Variants in SMARCB1 observed in about 807,000 individuals in gnomAD.
The protein encoded by SMARCB1 is SWI/SNF related BAF chromatin remodeling complex subunit B1.
A neutral mutation model predicts 49.0 loss-of-function variants in SMARCB1; 5 were observed. The observed-to-expected ratio is 0.10, with a 90% CI of 0.05 to 0.21. The LOEUF (loss-of-function observed/expected upper bound fraction) is 0.21, where lower values mean the gene tolerates loss of function less well. Ranked by LOEUF, SMARCB1 falls within the 10% of genes least tolerant of loss-of-function variation. The probability of loss-of-function intolerance (pLI) is 1.00; values close to 1 mark genes in which losing one functional copy is unlikely to be tolerated. For synonymous variants in SMARCB1, 201 were observed against 200.1 expected (o/e 1.00, Z -0.04); for missense variants, 226 against 509.2 (o/e 0.44, Z 5.35).
At chr22:23,811,058 G>T (rs1034660219) in intron 5 of SMARCB1, among the ~76,000 whole-genome samples, 4 of 147,304 alleles carry the variant, frequency 2.7e-5, no homozygotes, top group Admixed American at 6.8e-5. Flanking sequence ...AAAAAAAGAT[G>T]GATAAAGATA....
At chr22:23,807,802 T>TC (rs1218192175) in intron 5 of SMARCB1, among the ~76,000 whole-genome samples, 1 of 149,234 alleles carries the variant, frequency 6.7e-6, no homozygotes, top group Admixed American at 6.7e-5. Context: ...TTTTTTCTTT[T>TC]TTTTTTTTTT....
chr22:23,787,149 C>T lies in SMARCB1; in HGVS notation c.-21C>T. The T allele has an allele frequency of 6.4e-7, 1 of 1,565,186 alleles. No individual in the cohort carries two copies. Among genetic ancestry groups the T allele is most frequent in the Non-Finnish European group, 8.8e-7 (1 of 1,138,888 alleles). On this transcript the variant is annotated 5_prime_UTR_variant, in exon 1 of 9. Transcript: ENST00000644036. ...CTGATCCCTCGCAGCCCGGCTCCGG[C>T]CGCCCGCCTCTGCCGCCGCAATGAT...
chr22:23,836,625 A>C lies in SMARCB1; in HGVS notation c.*2445A>C. 8.1e-7 allele frequency: 1 copy of C among 1,227,022 alleles called. No homozygotes were observed. The highest frequency in any genetic ancestry group is 1.0e-6 in the Non-Finnish European group (1 of 987,160). 76.0% of individuals were successfully genotyped at this position (1,227,022 alleles called of 1,614,324 possible). A position where few individuals can be genotyped will look rare whatever the true frequency, so the allele number is the denominator to read the frequency against. ...TTCTTTGCCCTCTGTGGGCACCCCT[A>C]TCCTACCACCTGCAGTTGGGCTGAG... On this transcript the variant is annotated 3_prime_UTR_variant, in exon 9 of 9. Transcript: ENST00000644036.
rs540945630 is a variant in SMARCB1, at chr22:23,837,443, C to G, written c.*3263C>G. ...CATCCTCACTCCCATCAGGACCGTG[C>G]AAGCATCAGTAGATCCGTCCTGACG... is the stretch of plus-strand genomic sequence containing the variant. On this transcript the variant is annotated 3_prime_UTR_variant, in exon 9 of 9. Coordinates refer to ENST00000644036, the MANE Select transcript of SMARCB1 (RefSeq NM_003073.5). 78 of 651,772 alleles carry G rather than the reference C, an allele frequency of 1.2e-4. No homozygotes were observed. Among genetic ancestry groups the G allele is most frequent in the African/African-American group, 1.0e-3 (55 of 54,854 alleles). 40.4% of individuals were successfully genotyped at this position (651,772 alleles called of 1,614,324 possible).
At chr22:23,791,973 A>G in intron 2 of SMARCB1, 79 bp downstream of exon 2, 1 of 1,494,972 alleles carries the variant, frequency 6.7e-7, no homozygotes. Flanking sequence ...TTCACTCCAG[A>G]GTGTCTTCAC....
chr22:23,801,483 G>A (rs1244492564), intron 4 of SMARCB1: 6 of 459,738 alleles, frequency 1.3e-5, no homozygotes, highest in East Asian at 1.0e-4. Context: ...TGGTGGCTTC[G>A]AGCAGAGCAC....
intron 6 of SMARCB1, chr22:23,823,622 C>A (rs1335141343): frequency 6.6e-6 from 1 of 152,160 alleles, no homozygotes; most frequent in African/African-American, 2.4e-5. Context: ...TTCAGACAGT[C>A]CTAAGTGCTG....
chr22:23,832,659 CAG>C (rs2030715708), intron 7 of SMARCB1, among the ~76,000 whole-genome samples: 1 of 150,684 alleles, frequency 6.6e-6, no homozygotes. Context: ...AAGCTGCTCT[CAG>C]AGGTGGGGGT....
intron 3 of SMARCB1, among the ~76,000 whole-genome samples, chr22:23,797,504 G>T (rs1227326372): frequency 6.9e-6 from 1 of 144,428 alleles, no homozygotes; most frequent in African/African-American, 2.5e-5. Context: ...TAGAGATGGA[G>T]TTTTATTGTG....
At chr22:23,812,164 C>G (rs1178092594) in intron 5 of SMARCB1, among the ~76,000 whole-genome samples, 2 of 152,130 alleles carry the variant, frequency 1.3e-5, no homozygotes, top group East Asian at 1.9e-4. Flanking sequence ...ATTTAAAAAC[C>G]CCAAAAAATG....
chr22:23,800,564 C>T (rs940062993), intron 3 of SMARCB1, among the ~76,000 whole-genome samples: 1 of 152,150 alleles, frequency 6.6e-6, no homozygotes, highest in Non-Finnish European at 1.5e-5. Flanking sequence ...TGCTGCTGCC[C>T]GTGCCCCTCC....
intron 7 of SMARCB1, among the ~76,000 whole-genome samples, chr22:23,829,475 A>G (rs1208815637): frequency 6.6e-6 from 1 of 152,148 alleles, no homozygotes; most frequent in Non-Finnish European, 1.5e-5. Flanking sequence ...AAAAGAGACT[A>G]AGGGTCAGGG....
chr22:23,830,649 C>CTTTTTTTTTTTTTTTT (rs56800497), intron 7 of SMARCB1, among the ~76,000 whole-genome samples: 12 of 95,418 alleles, frequency 1.3e-4, no homozygotes, highest in South Asian at 4.3e-4. Flanking sequence ...TCCAATTTAT[C>CTTTTTTTTTTTTTTTT]TTTTTTTTTT....
In SMARCB1 at chr22:23,801,262, C is replaced by G. The variant is rs35215776; in HGVS notation, c.500+181C>G. The G allele has an allele frequency of 2.3e-3, 2,056 of 879,084 alleles. 23 individuals carry two copies. The African/African-American group carries it at 0.025, about 11-fold the overall frequency. 54.5% of individuals were successfully genotyped at this position (879,084 alleles called of 1,614,324 possible). A position where few individuals can be genotyped will look rare whatever the true frequency, so the allele number is the denominator to read the frequency against. On this transcript the variant is annotated intron_variant, in intron 4 of 8. Transcript: ENST00000644036. ...TGACTTCCAGGACATTGTCCATAGC[C>G]TCCTTGGCTCTGTCTGCTGTCACCT... is the stretch of plus-strand genomic sequence containing the variant.
intron 5 of SMARCB1, among the ~76,000 whole-genome samples, chr22:23,812,053 A>C (rs917740468): frequency 6.6e-6 from 1 of 152,260 alleles, no homozygotes; most frequent in South Asian, 2.1e-4. Context: ...AGCTTACACA[A>C]AATGGATTAA....
chr22:23,792,290 C>T, intron 2 of SMARCB1: 1 of 353,078 alleles, frequency 2.8e-6, no homozygotes, highest in Non-Finnish European at 5.6e-6. Flanking sequence ...CTGGGGCTTT[C>T]ACTGCTTGCT....
rs2146042018 is a variant in SMARCB1 at position 23,833,612 on chromosome 22, A to G, written c.1027A>G (p.Thr343Ala). The change falls in exon 8 of 9, where the codon ACG (threonine) becomes GCG (alanine). Residue 343 changes from threonine to alanine, a missense_variant. Thr to Ala is a moderately conservative substitution (Grantham distance 58). Transcript: ENST00000644036. ...LPTVEIAIRN[T>A]GDADQWCPLL... is the part of the protein sequence containing the mutation. ...CACAGTGGAGATTGCCATCCGGAAC[A>G]CGGGCGATGCGGACCAGTGGTGCCC... 1 of 1,614,222 alleles carries G rather than the reference A, an allele frequency of 6.2e-7. No individual in the cohort carries two copies.
In SMARCB1 at chr22:23,786,992, C is replaced by T. The variant is rs1003469972; in HGVS notation, c.-178C>T. Reference sequence around the variant, plus strand: ...CCAGCGCCTGCGCACTGAGGGCGGCCTGGTCGTCGTCTGCGGCGGCGGCGG... The same window carrying T: ...CCAGCGCCTGCGCACTGAGGGCGGCTTGGTCGTCGTCTGCGGCGGCGGCGG... On this transcript the variant is annotated 5_prime_UTR_variant, in exon 1 of 9. Transcript: ENST00000644036. 2 of 500,600 alleles carry T rather than the reference C, an allele frequency of 4.0e-6. No individual in the cohort carries two copies. The highest frequency in any genetic ancestry group is 7.0e-6 in the Non-Finnish European group (2 of 285,388). 31.0% of individuals were successfully genotyped at this position (500,600 alleles called of 1,614,324 possible). A position where few individuals can be genotyped will look rare whatever the true frequency, so the allele number is the denominator to read the frequency against.
Position 23,803,911 on chromosome 22 carries a change from G to A in SMARCB1, c.628+489G>A, listed in dbSNP as rs1929334224. 1.3e-5 allele frequency: 3 copies of A among 231,402 alleles called. No individual in the cohort carries two copies. In the South Asian group the frequency reaches 2.0e-4, roughly 16 times the overall value. The allele number at this position is 231,402 out of a possible 1,614,324, so 14.3% of individuals were successfully genotyped here. On this transcript the variant is annotated intron_variant, in intron 5 of 8. Transcript: ENST00000644036. ...GGCTCTTCCTGGGCTTCCAAAGCCT[G>A]GACAGAACTCGGTCTTTGTGCAAAT...
Sources: gnomAD v4.1 joint callset for allele counts (sites outside exome capture counted in the v4.1 genomes callset) on GRCh38, gnomAD v4.1.1 for gene constraint, MANE v1.5 for transcripts, NCBI Gene and HGNC (gene_info 2026-07-23, HGNC 2026-07-21) for gene names.